Variants in IFNGR1 observed in about 807,000 individuals in gnomAD.
IFNGR1 encodes the protein interferon gamma receptor 1, also known as AVP, type 2.
IFNGR1 carries 23 observed loss-of-function variants against 35.4 expected under a neutral mutation model. The ratio of observed to expected loss-of-function variants is 0.65; its 90% confidence interval spans 0.47 to 0.92. The LOEUF (loss-of-function observed/expected upper bound fraction) is 0.92. Ranked by LOEUF, IFNGR1 falls within the 40% of genes least tolerant of loss-of-function variation. The pLI, the probability that IFNGR1 is intolerant of heterozygous loss-of-function variation, is 0.00. For missense variants in IFNGR1, 533 were observed against 583.4 expected (o/e 0.91, Z 0.89); for synonymous variants, 199 against 209.5 (o/e 0.95, Z 0.43).
chr6:137,202,204 C>T (rs576517864), intron 5 of IFNGR1, among the ~76,000 whole-genome samples: 51 of 152,322 alleles, frequency 3.3e-4, no homozygotes, highest in African/African-American at 1.2e-3. Flanking sequence ...AGAAGTCCCA[C>T]GGGCTGAGCA....
intron 1 of IFNGR1, among the ~76,000 whole-genome samples, chr6:137,210,596 G>A (rs138303424): frequency 6.6e-6 from 1 of 152,312 alleles, no homozygotes; most frequent in African/African-American, 2.4e-5. Flanking sequence ...CTCAAAAATT[G>A]TGAGAGGGAC....
At position 137,197,679 on chromosome 6, in the gene IFNGR1, C is replaced by T. The variant is rs1193794972; in HGVS notation, c.*352G>A. 1 of 211,424 alleles carries T rather than the reference C, an allele frequency of 4.7e-6. No individual in the cohort carries two copies. Among genetic ancestry groups the T allele is most frequent in the Admixed American group, 5.3e-5 (1 of 18,816 alleles). 13.1% of individuals were successfully genotyped at this position (211,424 alleles called of 1,614,324 possible). On this transcript the variant is annotated 3_prime_UTR_variant, in exon 7 of 7. Coordinates refer to ENST00000367739, the MANE Select transcript of IFNGR1 (RefSeq NM_000416.3). The stretch of plus-strand genomic sequence containing the variant: ...TAAACTTACAAAAACATATGCTATA[C>T]CAAGGCAGAGAAAAGAAAAAAAGTG...
chr6:137,206,084 A>G, intron 3 of IFNGR1, 52 bp downstream of exon 3: 1 of 1,376,092 alleles, frequency 7.3e-7, no homozygotes, highest in Non-Finnish European at 1.0e-6. Flanking sequence ...TACAGAAGAC[A>G]TGTATAAATA....
rs1779229938 is a variant in IFNGR1, at chr6:137,199,616, TATTATATATATATC to T, written c.862-991_862-978del. Among the ~76,000 whole-genome samples the T allele has an allele frequency of 2.3e-5, 3 of 128,052 alleles. No individual in the cohort carries two copies. The Admixed American group carries it at 3.0e-4, about 13-fold the overall frequency. The allele number at this position is 128,052 out of a possible 152,430, so 84.0% of individuals were successfully genotyped here. A position where few individuals can be genotyped will look rare whatever the true frequency, so the allele number is the denominator to read the frequency against. ...TTTATATAAAGGGGAGTTTATTTGGTATTATATATATATCTTTATATATATATTCCATTAGTTCT... is the reference window on the plus strand; with the variant it reads ...TTTATATAAAGGGGAGTTTATTTGGTTTTATATATATATTCCATTAGTTCT... On this transcript the variant is annotated intron_variant, in intron 6 of 6. Coordinates refer to ENST00000367739, the MANE Select transcript of IFNGR1 (RefSeq NM_000416.3).
At position 137,207,024 on chromosome 6, in the gene IFNGR1, A is replaced by G. The variant is rs781724626; in HGVS notation, c.139T>C (p.Tyr47His). Residue 47 changes from tyrosine (Y) to histidine (H), a missense_variant, in exon 2 of 7, where the codon TAT (tyrosine) becomes CAT (histidine). By Grantham distance (83) the Tyr-to-His change is moderately conservative. Coordinates refer to ENST00000367739, the MANE Select transcript of IFNGR1 (RefSeq NM_000416.3). ...TGTGGCATGATCTGGTACTCCCAAT[A>G]TACGATAGGGTTCATGTTATAGGAT... is the stretch of plus-strand genomic sequence containing the variant. ...IESYNMNPIVYWEYQIMPQVP... is the reference protein window; with the variant it reads ...IESYNMNPIVHWEYQIMPQVP... 1 of 1,613,982 alleles carries G rather than the reference A, an allele frequency of 6.2e-7. No homozygotes were observed. The highest frequency in any genetic ancestry group is 8.5e-7 in the Non-Finnish European group (1 of 1,179,896).
At chr6:137,200,465 T>C (rs1432777899) in intron 6 of IFNGR1, among the ~76,000 whole-genome samples, 1 of 152,172 alleles carries the variant, frequency 6.6e-6, no homozygotes, top group Non-Finnish European at 1.5e-5. Context: ...GCACATTCTG[T>C]CCCCTAGTGC....
At position 137,203,654 on chromosome 6, in the gene IFNGR1, T is replaced by C. The variant is rs1562285362; in HGVS notation, c.578A>G (p.Asp193Gly). ...CTGGCACTGAATCTCGTCACAATCA[T>C]CTTCCTTCTGCGTGAGTATTTTATA... is the stretch of plus-strand genomic sequence containing the variant. Reference protein sequence around the residue: ...IQYKILTQKEDDCDEIQCQLA... With the variant: ...IQYKILTQKEGDCDEIQCQLA... Residue 193 changes from aspartate (D) to glycine (G), a missense_variant, in exon 5 of 7, where the codon GAT becomes GGT. By Grantham distance (94) the Asp-to-Gly change is moderately conservative. Coordinates refer to ENST00000367739, the MANE Select transcript of IFNGR1 (RefSeq NM_000416.3). The C allele has an allele frequency of 1.2e-6, 2 of 1,613,178 alleles. No homozygotes were observed. Among genetic ancestry groups the C allele is most frequent in the Non-Finnish European group, 8.5e-7 (1 of 1,179,434 alleles).
chr6:137,198,496 A>G lies in IFNGR1; in HGVS notation c.1005T>C (p.His335=), dbSNP rs1779155074. The G allele has an allele frequency of 3.1e-6, 5 of 1,614,166 alleles. No individual in the cohort carries two copies. The highest frequency in any genetic ancestry group is 4.2e-6 in the Non-Finnish European group (5 of 1,180,026). ...PLSPATVPGM[H]TEDNPGKVEH... ...CCACTTTTCCTGGATTGTCTTCGGT[A>G]TGCATGCCTGGAACTGTTGCTGGAG... The change falls in exon 7 of 7, where the codon CAT becomes CAC. Residue 335 remains histidine (H), a synonymous_variant. Transcript: ENST00000367739.
chr6:137,213,158 T>G (rs1254317944), intron 1 of IFNGR1, among the ~76,000 whole-genome samples: 1 of 152,240 alleles, frequency 6.6e-6, no homozygotes, highest in Non-Finnish European at 1.5e-5. Flanking sequence ...GGCTTACAAT[T>G]AACTTCTAAT....
In IFNGR1 at chr6:137,198,253, G is replaced by A; in HGVS notation, c.1248C>T (p.Ser416=). Residue 416 remains serine (S), a synonymous_variant, in exon 7 of 7, where the codon TCC becomes TCT. Transcript: ENST00000367739. The part of the protein sequence containing the change: ...DHSRNGFDTD[S]SCLESHSSLS... ...AGGAGCTATGTGATTCCAGACAGCTGGAATCAGTATCAAAACCATTTCTGG... is the reference window on the plus strand; with the variant it reads ...AGGAGCTATGTGATTCCAGACAGCTAGAATCAGTATCAAAACCATTTCTGG... 1 of 1,614,046 alleles carries A rather than the reference G, an allele frequency of 6.2e-7. No homozygotes were observed. The highest frequency in any genetic ancestry group is 8.5e-7 in the Non-Finnish European group (1 of 1,180,006).
intron 3 of IFNGR1, 89 bp from the exon 4 acceptor site, chr6:137,204,593 C>G (rs1166993740): frequency 1.8e-6 from 2 of 1,105,632 alleles, no homozygotes; most frequent in African/African-American, 3.1e-5. Context: ...TATCAATCAA[C>G]CTATTGTTTT....
chr6:137,219,146 C>T, intron 1 of IFNGR1, 97 bp downstream of exon 1: 2 of 1,487,264 alleles, frequency 1.3e-6, no homozygotes, highest in East Asian at 2.5e-5. Context: ...CGGGCTAGGG[C>T]GACCTCGGAG....
chr6:137,207,539 G>A (rs959082942), intron 1 of IFNGR1, among the ~76,000 whole-genome samples: 2 of 152,094 alleles, frequency 1.3e-5, no homozygotes, highest in Non-Finnish European at 1.5e-5. Context: ...TTGGACCCAG[G>A]GAGAGGTAAT....
At chr6:137,212,635 A>G (rs1779603596) in intron 1 of IFNGR1, among the ~76,000 whole-genome samples, 1 of 152,184 alleles carries the variant, frequency 6.6e-6, no homozygotes, top group African/African-American at 2.4e-5. Context: ...TGTGAGAAAA[A>G]GGCATATAGA....
intron 1 of IFNGR1, 40 bp from the exon 2 acceptor site, chr6:137,207,117 A>T (rs778156170): frequency 6.2e-7 from 1 of 1,609,292 alleles, no homozygotes; most frequent in South Asian, 1.1e-5. Flanking sequence ...AATTGTAAGA[A>T]ACTAACATTA....
intron 1 of IFNGR1, among the ~76,000 whole-genome samples, chr6:137,212,414 G>A (rs898277016): frequency 6.6e-6 from 1 of 152,060 alleles, no homozygotes; most frequent in Non-Finnish European, 1.5e-5. Flanking sequence ...TGCACCACCA[G>A]ACATGGCTAA....
chr6:137,199,905 C>T (rs1054810071), intron 6 of IFNGR1, among the ~76,000 whole-genome samples: 4 of 151,796 alleles, frequency 2.6e-5, no homozygotes, highest in South Asian at 2.1e-4. Flanking sequence ...CCTTATAATA[C>T]ATTTTTTAAG....
chr6:137,206,892 C>A, intron 2 of IFNGR1, 71 bp downstream of exon 2: 1 of 1,179,680 alleles, frequency 8.5e-7, no homozygotes, highest in Admixed American at 1.8e-5. Context: ...GATGAAAGAA[C>A]ACAGTTGTGG....
intron 1 of IFNGR1, among the ~76,000 whole-genome samples, chr6:137,214,553 C>A (rs1004951422): frequency 6.6e-6 from 1 of 152,134 alleles, no homozygotes; most frequent in East Asian, 1.9e-4. Flanking sequence ...AACTAACCTC[C>A]CCTATATTTT....
Sources: allele counts gnomAD v4.1 joint callset (sites outside exome capture counted in the v4.1 genomes callset), GRCh38; gene constraint gnomAD v4.1.1; transcripts MANE v1.5; gene names NCBI Gene and HGNC (gene_info 2026-07-23, HGNC 2026-07-21).